The following PRKCE variants were observed in gnomAD, a reference collection of about 807,000 sequenced individuals.
PRKCE encodes protein kinase C epsilon.
In PRKCE, 16 loss-of-function variants were observed where a neutral mutation model predicts 85.4. That is an observed-to-expected ratio of 0.19 (90% CI 0.13 to 0.28). PRKCE has a LOEUF of 0.28. Among genes scored for constraint, PRKCE ranks in the 10% least tolerant of loss-of-function variants. The pLI, the probability that PRKCE is intolerant of heterozygous loss-of-function variation, is 1.00. For synonymous variants in PRKCE, 388 were observed against 371.5 expected (o/e 1.04, Z -0.51); for missense variants, 573 against 975.2 (o/e 0.59, Z 5.49).
chr2:45,710,275 T>C (rs6753625), intron 1 of PRKCE, among the ~76,000 whole-genome samples: 127,313 of 151,834 alleles, frequency 0.84, 53,503 homozygotes, highest in East Asian at 0.94. Flanking sequence ...AAGGAACACA[T>C]CCCCAGTTTT....
intron 2 of PRKCE, among the ~76,000 whole-genome samples, chr2:45,939,377 T>G (rs114357978): frequency 1.2e-3 from 189 of 152,322 alleles, no homozygotes; most frequent in African/African-American, 4.2e-3. Context: ...CAGTTGGGCC[T>G]TGGAGCTGCC....
chr2:46,008,899 C>G (rs2104786491), intron 9 of PRKCE, among the ~76,000 whole-genome samples: 1 of 152,252 alleles, frequency 6.6e-6, no homozygotes, highest in African/African-American at 2.4e-5. Context: ...GGAAAAATCA[C>G]AGCCAAAGTT....
intron 1 of PRKCE, among the ~76,000 whole-genome samples, chr2:45,811,134 G>A (rs944020024): frequency 2.0e-5 from 3 of 152,198 alleles, no homozygotes; most frequent in African/African-American, 7.2e-5. Flanking sequence ...ATAAAATTCT[G>A]TTGTACAGGA....
chr2:45,859,662 T>A lies in PRKCE; in HGVS notation c.412+16599T>A, dbSNP rs146253804. Among the ~76,000 whole-genome samples, 17 of 152,362 alleles carry A rather than the reference T, an allele frequency of 1.1e-4. No individual in the cohort carries two copies. In the East Asian group the frequency reaches 3.3e-3, roughly 29 times the overall value. On this transcript the variant is annotated intron_variant, in intron 2 of 14. Coordinates refer to ENST00000306156, the MANE Select transcript of PRKCE (RefSeq NM_005400.3). ...TCTGTTGTTTTTGTCTATTTCTTAG[T>A]GCTTCAGAGGCAGTCATGTATTGCA...
chr2:45,670,052 G>A (rs892459312), intron 1 of PRKCE, among the ~76,000 whole-genome samples: 3 of 152,146 alleles, frequency 2.0e-5, no homozygotes, highest in African/African-American at 4.8e-5. Flanking sequence ...AGACGATCAA[G>A]TCTGTTATTA....
intron 2 of PRKCE, among the ~76,000 whole-genome samples, chr2:45,875,558 A>G (rs890999175): frequency 7.9e-5 from 12 of 152,220 alleles, no homozygotes; most frequent in Non-Finnish European, 1.6e-4. Context: ...ATTTACACAT[A>G]TGGGAAAGGA....
intron 1 of PRKCE, chr2:45,840,370 T>G (rs1395523721): frequency 1.3e-5 from 2 of 152,238 alleles, no homozygotes; most frequent in Admixed American, 1.3e-4. Flanking sequence ...CTGTTTGTCA[T>G]TCGCTGCAGG....
At chr2:45,729,875 G>A (rs991118874) in intron 1 of PRKCE, among the ~76,000 whole-genome samples, 19 of 152,192 alleles carry the variant, frequency 1.2e-4, no homozygotes, top group Admixed American at 8.5e-4. Context: ...AAAGCCTGGA[G>A]TGCAGTTCCT....
At chr2:46,103,776 A>C (rs1671459541) in intron 11 of PRKCE, among the ~76,000 whole-genome samples, 1 of 152,178 alleles carries the variant, frequency 6.6e-6, no homozygotes, top group Non-Finnish European at 1.5e-5. Context: ...AGGAAGAGAA[A>C]TATATTTATA....
chr2:45,834,042 G>A (rs1373835463), intron 1 of PRKCE, among the ~76,000 whole-genome samples: 4 of 152,178 alleles, frequency 2.6e-5, no homozygotes, highest in Non-Finnish European at 5.9e-5. Flanking sequence ...TTCGTTTTTA[G>A]CTACCTCTGT....
intron 10 of PRKCE, among the ~76,000 whole-genome samples, chr2:46,070,623 A>G (rs1668000316): frequency 6.6e-6 from 1 of 150,400 alleles, no homozygotes; most frequent in Admixed American, 6.6e-5. Flanking sequence ...AGCCTTAGCG[A>G]CAGAGCAAGA....
Position 45,907,604 on chromosome 2 carries a change from C to T in PRKCE, c.412+64541C>T, listed in dbSNP as rs767302354. ...CTTCCCATGTCACGTGTGTCATTTT[C>T]CCAGTGCCAATCATCGTGGTCCGCA... On this transcript the variant is annotated intron_variant, in intron 2 of 14. Transcript: ENST00000306156. The surrounding 1 kb of genome is among the most constrained non-coding windows in gnomAD (Gnocchi z 4.5). Among the ~76,000 whole-genome samples, 8 of 152,216 alleles carry T rather than the reference C, an allele frequency of 5.3e-5. No individual in the cohort carries two copies. The highest frequency in any genetic ancestry group is 1.0e-4 in the Non-Finnish European group (7 of 68,036).
intron 14 of PRKCE, among the ~76,000 whole-genome samples, chr2:46,182,915 A>G (rs915366931): frequency 6.6e-6 from 1 of 151,880 alleles, no homozygotes; most frequent in African/African-American, 2.4e-5. Context: ...AGATTTCCAG[A>G]CCTTACCCAC....
intron 11 of PRKCE, among the ~76,000 whole-genome samples, chr2:46,100,621 C>A (rs1388556669): frequency 2.0e-5 from 3 of 152,186 alleles, no homozygotes; most frequent in Non-Finnish European, 4.4e-5. Flanking sequence ...CAAAAGCATT[C>A]ATCAGAAGGG....
intron 2 of PRKCE, among the ~76,000 whole-genome samples, chr2:45,884,352 A>G (rs1354150000): frequency 6.6e-6 from 1 of 152,234 alleles, no homozygotes; most frequent in Non-Finnish European, 1.5e-5. Flanking sequence ...TGGGTAAACC[A>G]AAACCAGAAG....
In PRKCE at chr2:45,806,594, T is replaced by C. The variant is rs146376057; in HGVS notation, c.349-36406T>C. 7.4e-4 allele frequency among the ~76,000 whole-genome samples: 112 copies of C among 152,276 alleles called. 2 individuals are homozygous for C. In the East Asian group the frequency reaches 0.021, roughly 29 times the overall value. ...TTAAACAGCAACCCCCATTCCCCTC[T>C]CCTCATAAGCACAGGCAACCACCCT... On this transcript the variant is annotated intron_variant, in intron 1 of 14. Coordinates refer to ENST00000306156, the MANE Select transcript of PRKCE (RefSeq NM_005400.3).
At chr2:45,920,283 G>T (rs376990800) in intron 2 of PRKCE, among the ~76,000 whole-genome samples, 1 of 152,162 alleles carries the variant, frequency 6.6e-6, no homozygotes, top group East Asian at 1.9e-4. Flanking sequence ...CTCAGCTTGG[G>T]GCTTTCTAAC....
chr2:46,152,688 A>G (rs1676766031), intron 13 of PRKCE, among the ~76,000 whole-genome samples: 3 of 151,792 alleles, frequency 2.0e-5, no homozygotes, highest in Admixed American at 2.0e-4. Context: ...AGCTAGGATT[A>G]CAGGCGCCCA....
intron 2 of PRKCE, among the ~76,000 whole-genome samples, chr2:45,901,942 G>C (rs1023068245): frequency 6.6e-6 from 1 of 152,198 alleles, no homozygotes; most frequent in Non-Finnish European, 1.5e-5. Context: ...TTTTATAAGA[G>C]TACATGGCCA....
Sources: allele counts gnomAD v4.1 joint callset (sites outside exome capture counted in the v4.1 genomes callset), GRCh38; gene constraint gnomAD v4.1.1; non-coding constraint Gnocchi (gnomAD v3.1); transcripts MANE v1.5; gene names NCBI Gene and HGNC (gene_info 2026-07-23, HGNC 2026-07-21).